The following MDGA2 variants were observed in gnomAD, a reference collection of about 807,000 sequenced individuals.
MDGA2 encodes the protein MAM domain containing glycosylphosphatidylinositol anchor 2, also known as MAM domain-containing glycosylphosphatidylinositol anchor protein 2.
In MDGA2, 40 loss-of-function variants were observed where a neutral mutation model predicts 117.8. The observed-to-expected ratio is 0.34, with a 90% confidence interval of 0.26 to 0.44. The LOEUF (loss-of-function observed/expected upper bound fraction) is 0.44, where lower values mean the gene tolerates loss of function less well. MDGA2 is among the 20% of genes least tolerant of loss of function. The pLI, the probability that MDGA2 is intolerant of heterozygous loss-of-function variation, is 1.00. For missense variants in MDGA2, 1,123 were observed against 1,250.6 expected, an observed-to-expected ratio of 0.90 and a Z score of 1.54; for synonymous variants, 452 against 439.0, an observed-to-expected ratio of 1.03 and a Z score of -0.37.
At chr14:47,397,582 C>T (rs1449720659) in intron 1 of MDGA2, among the ~76,000 whole-genome samples, 1 of 151,812 alleles carries the variant, frequency 6.6e-6, no homozygotes, top group Non-Finnish European at 1.5e-5. Flanking sequence ...TTTTCAAAAG[C>T]CAAAATAAAA....
At chr14:47,086,962 A>G (rs1890923752) in intron 6 of MDGA2, among the ~76,000 whole-genome samples, 1 of 152,148 alleles carries the variant, frequency 6.6e-6, no homozygotes, top group Admixed American at 6.6e-5. Context: ...GGCCTCAGGG[A>G]CTTTTCCCTT....
chr14:47,094,794 G>GCAAA (rs3039354), intron 6 of MDGA2, among the ~76,000 whole-genome samples: 80,880 of 151,144 alleles, frequency 0.54, 21,909 homozygotes, highest in East Asian at 0.83. Flanking sequence ...TATTTTTAAA[G>GCAAA]CAAACAAAAA....
chr14:47,551,907 G>T (rs1258665477), intron 1 of MDGA2, among the ~76,000 whole-genome samples: 1 of 151,980 alleles, frequency 6.6e-6, no homozygotes, highest in Non-Finnish European at 1.5e-5. Context: ...TGTGAAAGAG[G>T]AAAGTGAAAA....
chr14:47,055,061 A>G (rs1229584148), intron 7 of MDGA2, among the ~76,000 whole-genome samples: 1 of 136,628 alleles, frequency 7.3e-6, no homozygotes, highest in African/African-American at 2.8e-5. Flanking sequence ...TTTTATCTTA[A>G]TGAAAGTGTT....
At chr14:46,842,706 A>C (rs1880666974) in intron 16 of MDGA2, among the ~76,000 whole-genome samples, 1 of 152,196 alleles carries the variant, frequency 6.6e-6, no homozygotes, top group African/African-American at 2.4e-5. Context: ...GGGATAACAC[A>C]GATATAATTC....
At chr14:47,312,688 G>GTTTT (rs1186421912) in intron 1 of MDGA2, among the ~76,000 whole-genome samples, 7 of 104,296 alleles carry the variant, frequency 6.7e-5, no homozygotes, top group East Asian at 3.7e-4. Context: ...TTTTTTTTTT[G>GTTTT]TTTTGTTTTG....
intron 8 of MDGA2, among the ~76,000 whole-genome samples, chr14:47,031,966 T>C (rs1044597487): frequency 2.0e-5 from 3 of 152,190 alleles, no homozygotes; most frequent in African/African-American, 4.8e-5. Flanking sequence ...TCTTTATAAA[T>C]TACCCAGTCT....
intron 5 of MDGA2, among the ~76,000 whole-genome samples, chr14:47,117,685 C>A (rs1362351974): frequency 1.3e-5 from 2 of 151,632 alleles, no homozygotes; most frequent in Admixed American, 6.6e-5. Context: ...ATATAAGGTA[C>A]CTAAAGTAGT....
chr14:47,201,531 G>A (rs547569040), intron 3 of MDGA2, among the ~76,000 whole-genome samples: 2 of 152,224 alleles, frequency 1.3e-5, no homozygotes, highest in South Asian at 2.1e-4. Context: ...TCTCCTCCAA[G>A]TAAATGGCAT....
chr14:47,630,132 AAC>A (rs374187992), intron 1 of MDGA2, among the ~76,000 whole-genome samples: 1 of 152,044 alleles, frequency 6.6e-6, no homozygotes, highest in African/African-American at 2.4e-5. Context: ...AATACACACA[AAC>A]ACACACACAG....
chr14:47,180,900 G>T (rs951010566), intron 3 of MDGA2, among the ~76,000 whole-genome samples: 1 of 152,074 alleles, frequency 6.6e-6, no homozygotes. Flanking sequence ...CAGCTTGGGC[G>T]ACAGAGCGAG....
Position 46,919,943 on chromosome 14 carries a change from G to C in MDGA2, c.2238+69C>G, listed in dbSNP as rs187285100. On this transcript the variant is annotated intron_variant, in intron 10 of 16. Transcript: ENST00000399232. ...TTTTGGAATTCATGCAAAACTCTTA[G>C]AAAAATGATAACAACAAGGTCTTCA... is the stretch of plus-strand genomic sequence containing the variant. 2.1e-5 allele frequency: 30 copies of C among 1,402,836 alleles called. No homozygotes were observed. The African/African-American group carries it at 2.9e-4, about 14-fold the overall frequency. 86.9% of individuals were successfully genotyped at this position (1,402,836 alleles called of 1,614,324 possible).
intron 3 of MDGA2, among the ~76,000 whole-genome samples, chr14:47,148,222 C>T (rs948705478): frequency 6.6e-6 from 1 of 152,090 alleles, no homozygotes; most frequent in African/African-American, 2.4e-5. Context: ...TTAATAGAAG[C>T]TTTTTCCCTT....
intron 1 of MDGA2, among the ~76,000 whole-genome samples, chr14:47,374,453 A>C (rs549395113): frequency 6.6e-6 from 1 of 152,156 alleles, no homozygotes; most frequent in Admixed American, 6.6e-5. Context: ...CTCAATTTTA[A>C]ATCTAGGCAG....
At chr14:47,111,344 A>G (rs1003781156) in intron 5 of MDGA2, among the ~76,000 whole-genome samples, 4 of 152,122 alleles carry the variant, frequency 2.6e-5, no homozygotes, top group Non-Finnish European at 5.9e-5. Context: ...TCCAAGTTTG[A>G]TTGAATATTG....
chr14:47,319,921 GT>G (rs1192461848), intron 1 of MDGA2, among the ~76,000 whole-genome samples: 1 of 152,154 alleles, frequency 6.6e-6, no homozygotes, highest in African/African-American at 2.4e-5. Flanking sequence ...AATCTTTAGA[GT>G]GGGCCCTAAT....
At chr14:47,530,470 A>G (rs1478275751) in intron 1 of MDGA2, among the ~76,000 whole-genome samples, 9 of 152,172 alleles carry the variant, frequency 5.9e-5, no homozygotes, top group Non-Finnish European at 1.3e-4. Context: ...GTAAATTCTT[A>G]TCTCTGTATA....
intron 1 of MDGA2, among the ~76,000 whole-genome samples, chr14:47,559,917 T>G (rs1349761070): frequency 6.6e-6 from 1 of 152,228 alleles, no homozygotes. Context: ...TGGGAATATA[T>G]GCAGTAATGG....
At chr14:47,354,565 A>G (rs1890951862) in intron 1 of MDGA2, among the ~76,000 whole-genome samples, 1 of 152,148 alleles carries the variant, frequency 6.6e-6, no homozygotes, top group African/African-American at 2.4e-5. Flanking sequence ...CCGCTACTCC[A>G]CCTCTAAATG....
Sources: gnomAD v4.1 joint callset for allele counts (sites outside exome capture counted in the v4.1 genomes callset) on GRCh38, gnomAD v4.1.1 for gene constraint, MANE v1.5 for transcripts, NCBI Gene and HGNC (gene_info 2026-07-23, HGNC 2026-07-21) for gene names.